The following KNTC1 variants were observed in gnomAD, a reference collection of about 807,000 sequenced individuals.
KNTC1 encodes the protein kinetochore-associated protein 1.
In KNTC1, 253 loss-of-function variants were observed where a neutral mutation model predicts 314.4. The observed-to-expected ratio is 0.80, with a 90% CI of 0.73 to 0.89. KNTC1 has a LOEUF of 0.89. Among genes scored for constraint, KNTC1 ranks in the 40% least tolerant of loss-of-function variants. The pLI, the probability that KNTC1 is intolerant of heterozygous loss-of-function variation, is 0.00. For missense variants in KNTC1, 2,475 were observed against 2,572.9 expected (o/e 0.96, Z 0.82); for synonymous variants, 901 against 901.4 (o/e 1.00, Z 0.01).
chr12:122,536,861 A>G (rs947190720), intron 3 of KNTC1, among the ~76,000 whole-genome samples: 1 of 152,222 alleles, frequency 6.6e-6, no homozygotes, highest in African/African-American at 2.4e-5. Context: ...TGAAACTTTT[A>G]CATAAGAACT....
intron 12 of KNTC1, 63 bp downstream of exon 12, chr12:122,548,032 C>A: frequency 2.0e-6 from 2 of 1,008,972 alleles, no homozygotes; most frequent in Non-Finnish European, 2.9e-6. Context: ...TTAGTGAATA[C>A]AAAAGTAGAT....
In KNTC1 at chr12:122,557,646, C is replaced by A; in HGVS notation, c.1445C>A (p.Thr482Asn). 1 of 1,613,448 alleles carries A rather than the reference C, an allele frequency of 6.2e-7. No individual in the cohort carries two copies. The highest frequency in any genetic ancestry group is 8.5e-7 in the Non-Finnish European group (1 of 1,179,652). Residue 482 changes from threonine to asparagine, a missense_variant, in exon 18 of 64, where the codon ACC becomes AAC. Physicochemically the swap from Thr to Asn is moderately conservative, Grantham distance 65 (BLOSUM62 0). Coordinates refer to ENST00000333479, the MANE Select transcript of KNTC1 (RefSeq NM_014708.6). ...TACTGCCTGAAAGCTCAGTGGATAA[C>A]CTATGAAACCACTCAAGAGATGCTG... ...VNYCLKAQWI[T>N]YETTQEMLNY... is the part of the protein sequence containing the mutation.
intron 33 of KNTC1, among the ~76,000 whole-genome samples, chr12:122,581,198 ATT>A (rs34152519): frequency 1.6e-4 from 22 of 135,216 alleles, no homozygotes; most frequent in African/African-American, 3.0e-4. Flanking sequence ...TGTGTTATTA[ATT>A]TTTTTTTTTT....
intron 7 of KNTC1, among the ~76,000 whole-genome samples, chr12:122,543,903 G>T (rs1455690160): frequency 6.6e-6 from 1 of 152,022 alleles, no homozygotes; most frequent in African/African-American, 2.4e-5. Flanking sequence ...TACAAAATTA[G>T]CCGGGGGGTG....
rs749897657 is a variant in KNTC1 at position 122,557,501 on chromosome 12, A to G, written c.1390A>G (p.Lys464Glu). The G allele has an allele frequency of 7.4e-6, 12 of 1,613,580 alleles. No individual in the cohort carries two copies. Among genetic ancestry groups the G allele is most frequent in the Non-Finnish European group, 1.0e-5 (12 of 1,179,732 alleles). ...AGACGACGCTAAGGAAAATCTACATAAGATCCAGGTATGTTTTTCTTGTCA... is the reference window on the plus strand; with the variant it reads ...AGACGACGCTAAGGAAAATCTACATGAGATCCAGGTATGTTTTTCTTGTCA... ...LVDDAKENLH[K>E]IQDDEFVVNY... Residue 464 changes from lysine (K) to glutamate (E), a missense_variant, in exon 17 of 64, where the codon AAG (lysine) becomes GAG (glutamate). Transcript: ENST00000333479.
At chr12:122,620,321 CT>C in intron 59 of KNTC1, 157 bp from the exon 60 acceptor site, 1 of 580,304 alleles carries the variant, frequency 1.7e-6, no homozygotes, top group South Asian at 2.2e-5. Context: ...CTGTCAAAGA[CT>C]TGTGTTACTC....
At chr12:122,547,856 G>GT (rs1175188670) in intron 11 of KNTC1, 59 bp from the exon 12 acceptor site, 1 of 957,614 alleles carries the variant, frequency 1.0e-6, no homozygotes, top group Non-Finnish European at 1.5e-6. Context: ...AGATAATATT[G>GT]TATGTTTTTG....
intron 1 of KNTC1, among the ~76,000 whole-genome samples, chr12:122,529,472 C>G (rs949077323): frequency 3.9e-5 from 6 of 152,034 alleles, no homozygotes; most frequent in Admixed American, 1.3e-4. Flanking sequence ...CAAGCTTAGT[C>G]TTTGATCCAG....
At chr12:122,575,512 T>C in intron 27 of KNTC1, 31 bp from the exon 28 acceptor site, 4 of 1,470,608 alleles carry the variant, frequency 2.7e-6, no homozygotes, top group Non-Finnish European at 3.7e-6. Flanking sequence ...ACCTGAGGGC[T>C]GTTCCTTGTC....
chr12:122,592,980 G>A (rs944075179), intron 42 of KNTC1: 1 of 152,598 alleles, frequency 6.6e-6, no homozygotes, highest in Admixed American at 6.6e-5. Flanking sequence ...CCACCGAGAG[G>A]AAGGAACAAC....
At chr12:122,541,334 T>TTCCTTCCTTC (rs1565934838) in intron 5 of KNTC1, among the ~76,000 whole-genome samples, 21 of 147,478 alleles carry the variant, frequency 1.4e-4, no homozygotes, top group African/African-American at 3.3e-4. Flanking sequence ...CCGTCCTTCC[T>TTCCTTCCTTC]CTGTCTCTCC....
intron 12 of KNTC1, among the ~76,000 whole-genome samples, chr12:122,549,003 GACTT>G (rs974474964): frequency 6.6e-6 from 1 of 152,050 alleles, no homozygotes; most frequent in African/African-American, 2.4e-5. Flanking sequence ...TACGGTAACA[GACTT>G]ACTTATAAAT....
chr12:122,554,108 T>C (rs1488184307), intron 16 of KNTC1, among the ~76,000 whole-genome samples: 1 of 147,002 alleles, frequency 6.8e-6, no homozygotes, highest in Non-Finnish European at 1.5e-5. Context: ...TATTTGTATT[T>C]TTTGTAGAGG....
At chr12:122,613,501 A>T (rs541782066) in intron 54 of KNTC1, 125 bp from the exon 55 acceptor site, 1 of 778,818 alleles carries the variant, frequency 1.3e-6, no homozygotes, top group Non-Finnish European at 1.9e-6. Context: ...TATTCAGTGA[A>T]TATATTTGGA....
At position 122,554,076 on chromosome 12, in the gene KNTC1, A is replaced by AAATAT. The variant is rs370146333; in HGVS notation, c.1272+2381_1272+2382insATATA. Among the ~76,000 whole-genome samples the AAATAT allele has an allele frequency of 3.9e-3, 428 of 109,036 alleles. 5 individuals carry two copies. The highest frequency in any genetic ancestry group is 0.015 in the East Asian group (62 of 4,036). The allele number at this position is 109,036 out of a possible 152,430, so 71.5% of individuals were successfully genotyped here. A position where few individuals can be genotyped will look rare whatever the true frequency, so the allele number is the denominator to read the frequency against. Reference sequence around the variant, plus strand: ...CAGAATACTTCCTTAAAAAAAAAAAAATATATATATATATATATATATATT... The same window carrying AAATAT: ...CAGAATACTTCCTTAAAAAAAAAAAAAATATATATATATATATATATATATATATT... On this transcript the variant is annotated intron_variant, in intron 16 of 63. Transcript: ENST00000333479.
At position 122,626,340 on chromosome 12, in the gene KNTC1, A is replaced by C; in HGVS notation, c.*112A>C. ...ATCTCTGTATTATAGCTATTTGTCT[A>C]ACATTACCCCACATGTAATAAATAA... On this transcript the variant is annotated 3_prime_UTR_variant, in exon 64 of 64. Coordinates refer to ENST00000333479, the MANE Select transcript of KNTC1 (RefSeq NM_014708.6). 1 of 734,984 alleles carries C rather than the reference A, an allele frequency of 1.4e-6. No individual in the cohort carries two copies. Among genetic ancestry groups the C allele is most frequent in the Non-Finnish European group, 2.3e-6 (1 of 427,776 alleles). The allele number at this position is 734,984 out of a possible 1,614,324, so 45.5% of individuals were successfully genotyped here.
intron 43 of KNTC1, among the ~76,000 whole-genome samples, chr12:122,596,024 T>C (rs1267033573): frequency 6.6e-6 from 1 of 152,108 alleles, no homozygotes; most frequent in South Asian, 2.1e-4. Flanking sequence ...CACTGTGTTA[T>C]TAATAGGGTC....
At chr12:122,623,278 C>T (rs1874634392) in intron 62 of KNTC1, among the ~76,000 whole-genome samples, 1 of 152,148 alleles carries the variant, frequency 6.6e-6, no homozygotes, top group Non-Finnish European at 1.5e-5. Flanking sequence ...AGTTTAGAAA[C>T]AATAAGCTTC....
rs1284052777 is a variant in KNTC1, at chr12:122,603,200, G to A, written c.5058G>A (p.Trp1686Ter). Residue 1686 changes from tryptophan (W) to a stop codon, truncating the protein, a stop_gained, in exon 48 of 64, where the codon TGG (tryptophan) becomes TGA (stop). Transcript: ENST00000333479. LOFTEE classifies it high-confidence loss of function. ...SCLLSIVNPE[W>*]AVAIAISLAQ... The stretch of plus-strand genomic sequence containing the variant: ...TACTCTCTATAGTCAACCCAGAGTG[G>A]GCTGTAGCTATTGCCATCAGCCTTG... 6.8e-6 allele frequency: 11 copies of A among 1,613,248 alleles called. No homozygotes were observed. Among genetic ancestry groups the A allele is most frequent in the African/African-American group, 1.3e-5 (1 of 74,962 alleles).
Sources: gnomAD v4.1 joint callset for allele counts (sites outside exome capture counted in the v4.1 genomes callset) on GRCh38, gnomAD v4.1.1 for gene constraint, MANE v1.5 for transcripts, NCBI Gene and HGNC (gene_info 2026-07-23, HGNC 2026-07-21) for gene names.